The following ITGA7 variants were observed in gnomAD, a reference collection of about 807,000 sequenced individuals.
The protein encoded by ITGA7 is integrin alpha-7.
Under a neutral mutation model 131.6 loss-of-function variants are expected in ITGA7, and 84 were observed. The ratio of observed to expected loss-of-function variants is 0.64; its 90% CI spans 0.54 to 0.77. The LOEUF is 0.77. Ranked by LOEUF, ITGA7 falls within the 30% of genes least tolerant of loss-of-function variation. The pLI, the probability that ITGA7 is intolerant of heterozygous loss-of-function variation, is 0.00. For missense variants in ITGA7, 1,399 were observed against 1,482.9 expected, an observed-to-expected ratio of 0.94 and a Z score of 0.93; for synonymous variants, 548 against 600.7, an observed-to-expected ratio of 0.91 and a Z score of 1.28.
intron 22 of ITGA7, 145 bp from the exon 23 acceptor site, chr12:55,688,445 C>T: frequency 1.3e-6 from 1 of 749,420 alleles, no homozygotes. Flanking sequence ...TGCGTTTGGG[C>T]TGGGCACAGT....
upstream of ITGA7, among the ~76,000 whole-genome samples, chr12:55,713,311 C>A (rs546143783): frequency 3.6e-4 from 55 of 152,162 alleles, no homozygotes; most frequent in Non-Finnish European, 6.8e-4. Context: ...AACACTCCTC[C>A]CCTGCCAGGA....
At position 55,698,022 on chromosome 12, in the gene ITGA7, A is replaced by G. The variant is rs777273056; in HGVS notation, c.1197T>C (p.Ile399=). The change falls in exon 8 of 25, where the codon ATT becomes ATC. Residue 399 remains isoleucine (I), a synonymous_variant. Transcript: ENST00000257879. ...GDLNQDGFPD[I]AVGAPFDGDG... is the part of the protein sequence containing the mutation. ...CACCATCAAAGGGGGCACCCACTGC[A>G]ATATCTGCAGGGCACAGGGAAAAGG... The G allele has an allele frequency of 8.7e-6, 14 of 1,613,582 alleles. No homozygotes were observed. The highest frequency in any genetic ancestry group is 1.1e-5 in the Non-Finnish European group (13 of 1,179,842).
Position 55,694,575 on chromosome 12 carries a change from G to A in ITGA7, c.2277+40C>T, listed in dbSNP as rs779105479. 6.2e-7 allele frequency: 1 copy of A among 1,613,034 alleles called. No individual in the cohort carries two copies. On this transcript the variant is annotated intron_variant, in intron 16 of 24. Coordinates refer to ENST00000257879, the MANE Select transcript of ITGA7 (RefSeq NM_002206.3). This position sits in a 1 kb window ranked among gnomAD's most constrained non-coding sequence, Gnocchi z 5.3. ...GTCAGGGGTGGTCTACGGGCTTATG[G>A]AGAGGCTACTCACGTAGGGATAAGG...
At position 55,700,902 on chromosome 12, in the gene ITGA7, T is replaced by C; in HGVS notation, c.667A>G (p.Lys223Glu). The C allele has an allele frequency of 6.2e-7, 1 of 1,614,142 alleles. No homozygotes were observed. Among genetic ancestry groups the C allele is most frequent in the Non-Finnish European group, 8.5e-7 (1 of 1,180,002 alleles). ...LFGAPGTYNW[K>E]GLLFVTNIDS... ...CCCTTCCCGAGGAGTGACTCACCCTTCCAATTATAGGTTCCTGGGGCCCCA... is the reference window on the plus strand; with the variant it reads ...CCCTTCCCGAGGAGTGACTCACCCTCCCAATTATAGGTTCCTGGGGCCCCA... Residue 223 changes from lysine to glutamate, a missense_variant, in exon 4 of 25, where the codon AAG (lysine) becomes GAG (glutamate). Transcript: ENST00000257879.
In ITGA7 at chr12:55,694,793, C is replaced by T; in HGVS notation, c.2181G>A (p.Arg727=). The T allele has an allele frequency of 5.6e-6, 9 of 1,614,044 alleles. No individual in the cohort carries two copies. Among genetic ancestry groups the T allele is most frequent in the Non-Finnish European group, 7.6e-6 (9 of 1,179,990 alleles). The change falls in exon 15 of 25, where the codon CGG becomes CGA. Residue 727 remains arginine (R), a synonymous_variant. Transcript: ENST00000257879. This position sits in a 1 kb window ranked among gnomAD's most constrained non-coding sequence, Gnocchi z 5.3. ...LPDSLHYSGV[R]ALDPAEKPLC... ...AGGTCCTCACCGCAGGGTCCAGGGC[C>T]CGGACCCCTGAGTAGTGCAGTGAGT...
upstream of ITGA7, among the ~76,000 whole-genome samples, chr12:55,709,961 G>A (rs529420516): frequency 6.5e-4 from 99 of 152,330 alleles, no homozygotes; most frequent in Non-Finnish European, 1.1e-3. Context: ...ACACAAGAGC[G>A]TGCTAGACCA....
intron 4 of ITGA7, 60 bp from the exon 5 acceptor site, chr12:55,700,049 G>A (rs752357802): frequency 1.7e-5 from 27 of 1,592,890 alleles, no homozygotes; most frequent in Non-Finnish European, 2.0e-5. Context: ...CCACAGAGTA[G>A]GGAGACAGAG....
chr12:55,716,343 T>C (rs1876524343), upstream of ITGA7: 3 of 1,470,578 alleles, frequency 2.0e-6, no homozygotes, highest in African/African-American at 2.9e-5. Flanking sequence ...TCAGAGAGGC[T>C]TTTTTTGAAA....
chr12:55,714,517 CA>C (rs35046301), upstream of ITGA7, among the ~76,000 whole-genome samples: 15 of 120,462 alleles, frequency 1.2e-4, no homozygotes, highest in Non-Finnish European at 9.5e-5. Flanking sequence ...GACTCCGTCT[CA>C]AAAAAAAAAA....
chr12:55,685,383 C>T, intron 24 of ITGA7, 95 bp from the exon 25 acceptor site: 1 of 1,121,512 alleles, frequency 8.9e-7, no homozygotes, highest in Non-Finnish European at 1.3e-6. Flanking sequence ...CCTCACCATC[C>T]CTGCTGCGGC....
Position 55,688,858 on chromosome 12 carries a change from T to C in ITGA7, c.2944A>G (p.Ser982Gly), listed in dbSNP as rs756900600. ...VLHVWGRLWN[S>G]TFLEEYSAVK... ...GGTATCCTCACCTCCAGAAAGGTGC[T>C]GTTCCAGAGACGGCCCCAGACATGC... Residue 982 changes from serine to glycine, a missense_variant, in exon 22 of 25, where the codon AGC becomes GGC. By Grantham distance (56) the Ser-to-Gly change is moderately conservative. Transcript: ENST00000257879. 1 of 1,613,680 alleles carries C rather than the reference T, an allele frequency of 6.2e-7. No homozygotes were observed. Among genetic ancestry groups the C allele is most frequent in the Non-Finnish European group, 8.5e-7 (1 of 1,179,650 alleles).
In ITGA7 at chr12:55,698,590, G is replaced by A. The variant is rs2136034662; in HGVS notation, c.999-14C>T. 6.2e-7 allele frequency: 1 copy of A among 1,614,094 alleles called. No individual in the cohort carries two copies. Among genetic ancestry groups the A allele is most frequent in the South Asian group, 1.1e-5 (1 of 91,080 alleles). The stretch of plus-strand genomic sequence containing the variant: ...AGGTCTGGCCAGCTATGGAGAGAGG[G>A]AAACATTCAGTGTGGGTCCTCCCTG... On this transcript the variant is annotated splice_polypyrimidine_tract_variant and intron_variant, in intron 6 of 24. Coordinates refer to ENST00000257879, the MANE Select transcript of ITGA7 (RefSeq NM_002206.3).
At chr12:55,706,210 G>A (rs1325423543) in intron 1 of ITGA7, among the ~76,000 whole-genome samples, 2 of 152,224 alleles carry the variant, frequency 1.3e-5, no homozygotes, top group Non-Finnish European at 2.9e-5. Context: ...GATGGAGAAG[G>A]AGGGAGGAAG....
Position 55,700,936 on chromosome 12 carries a change from G to T in ITGA7, c.633C>A (p.Tyr211Ter). ...AGGTTCCTGGGGCCCCAAAGAGGAG[G>T]TAGTGGCTATCAGGGGAGAAGGCGG... Reference protein sequence around the residue: ...TAAAFSPDSHYLLFGAPGTYN... With the variant: ...TAAAFSPDSH The change falls in exon 4 of 25, where the codon TAC becomes TAA. Residue 211 changes from tyrosine to a stop codon, truncating the protein, a stop_gained. Coordinates refer to ENST00000257879, the MANE Select transcript of ITGA7 (RefSeq NM_002206.3). LOFTEE classifies it high-confidence loss of function. 1.2e-6 allele frequency: 2 copies of T among 1,614,238 alleles called. No individual in the cohort carries two copies. The highest frequency in any genetic ancestry group is 1.7e-6 in the Non-Finnish European group (2 of 1,180,036).
At chr12:55,700,745 T>C in intron 4 of ITGA7, 154 bp downstream of exon 4, 2 of 956,222 alleles carry the variant, frequency 2.1e-6, no homozygotes, top group Non-Finnish European at 3.2e-6. Flanking sequence ...CATTCATGTG[T>C]GCACTAGCTC....
intron 1 of ITGA7, among the ~76,000 whole-genome samples, 177 bp downstream of exon 1, chr12:55,707,300 G>C (rs1222823909): frequency 6.6e-6 from 1 of 152,272 alleles, no homozygotes; most frequent in East Asian, 1.9e-4. Flanking sequence ...GGGCCGGGAA[G>C]TGCAGCTTCA....
rs11831381 is a variant in ITGA7, at chr12:55,694,565, C to A, written c.2278-43G>T. 6.2e-7 allele frequency: 1 copy of A among 1,612,894 alleles called. No individual in the cohort carries two copies. Among genetic ancestry groups the A allele is most frequent in the African/African-American group, 1.3e-5 (1 of 74,962 alleles). On this transcript the variant is annotated intron_variant, in intron 16 of 24. Coordinates refer to ENST00000257879, the MANE Select transcript of ITGA7 (RefSeq NM_002206.3). The surrounding 1 kb of genome is among the most constrained non-coding windows in gnomAD (Gnocchi z 5.3). ...AGAGATTAGAGTCAGGGGTGGTCTA[C>A]GGGCTTATGGAGAGGCTACTCACGT...
chr12:55,703,027 C>A (rs201540792), intron 2 of ITGA7, 24 bp downstream of exon 2: 4 of 1,613,916 alleles, frequency 2.5e-6, no homozygotes, highest in Non-Finnish European at 2.5e-6. Context: ...ACGCTTCCCC[C>A]ACTCTGTTCA....
Position 55,697,755 on chromosome 12 carries a change from T to C in ITGA7, c.1349A>G (p.Asp450Gly), listed in dbSNP as rs1195699608. ...GYSLSGSLDM[D>G]GNQYPDLLVG... Reference sequence around the variant, plus strand: ...CAGCAGGTCAGGGTATTGGTTCCCATCCATATCCAAGCTGCCTGACAGGGA... The same window carrying C: ...CAGCAGGTCAGGGTATTGGTTCCCACCCATATCCAAGCTGCCTGACAGGGA... Residue 450 changes from aspartate (D) to glycine (G), a missense_variant, in exon 9 of 25, where the codon GAT (aspartate) becomes GGT (glycine). By Grantham distance (94) the Asp-to-Gly change is moderately conservative (BLOSUM62 -1). Transcript: ENST00000257879. 5.6e-6 allele frequency: 9 copies of C among 1,614,032 alleles called. No homozygotes were observed. The highest frequency in any genetic ancestry group is 1.6e-4 in the Middle Eastern group (1 of 6,062).
Sources: gnomAD v4.1 joint callset for allele counts (sites outside exome capture counted in the v4.1 genomes callset) on GRCh38, gnomAD v4.1.1 for gene constraint, Gnocchi (gnomAD v3.1) non-coding constraint, MANE v1.5 for transcripts, NCBI Gene and HGNC (gene_info 2026-07-23, HGNC 2026-07-21) for gene names.